Variants in AOPEP observed in about 807,000 individuals in gnomAD.
The protein encoded by AOPEP is aminopeptidase O.
A neutral mutation model predicts 98.1 loss-of-function variants in AOPEP; 77 were observed. The ratio of observed to expected loss-of-function variants is 0.78; its 90% CI spans 0.65 to 0.95. AOPEP has a LOEUF of 0.95. AOPEP is among the 40% of genes least tolerant of loss of function. The pLI is 0.00. For missense variants in AOPEP, 1,024 were observed against 1,024.7 expected (o/e 1.00, Z 0.01); for synonymous variants, 346 against 365.3 (o/e 0.95, Z 0.60).
chr9:95,087,556 C>T (rs984079300), downstream of AOPEP, among the ~76,000 whole-genome samples: 3 of 143,870 alleles, frequency 2.1e-5, no homozygotes, highest in Non-Finnish European at 4.6e-5. Flanking sequence ...GTTCCCCCCC[C>T]ACCTCACTAG....
At chr9:95,045,056 C>T (rs1444207497) in intron 13 of AOPEP, among the ~76,000 whole-genome samples, 1 of 152,160 alleles carries the variant, frequency 6.6e-6, no homozygotes, top group Non-Finnish European at 1.5e-5. Flanking sequence ...GCGCCAAGGA[C>T]GGTGCTGTTT....
chr9:94,953,997 C>T (rs1040039132), intron 7 of AOPEP, among the ~76,000 whole-genome samples: 3 of 152,108 alleles, frequency 2.0e-5, no homozygotes, highest in African/African-American at 7.2e-5. Flanking sequence ...TAAGGAGTCG[C>T]TGGTTTCAGT....
intron 3 of AOPEP, among the ~76,000 whole-genome samples, chr9:94,775,715 C>G (rs1841936579): frequency 6.6e-6 from 1 of 152,076 alleles, no homozygotes. Flanking sequence ...TGGCTCACGC[C>G]TGTAATCCCA....
chr9:95,003,642 A>C (rs2061710273), intron 11 of AOPEP, among the ~76,000 whole-genome samples: 1 of 152,214 alleles, frequency 6.6e-6, no homozygotes, highest in African/African-American at 2.4e-5. Context: ...CAAACCATTA[A>C]CTATTTATAT....
chr9:95,060,615 G>A, intron 13 of AOPEP, 79 bp from the exon 14 acceptor site: 1 of 925,482 alleles, frequency 1.1e-6, no homozygotes. Flanking sequence ...CTGGGTATGT[G>A]GTCTTCAGTC....
At chr9:95,092,083 C>T (rs530665360), downstream of AOPEP, among the ~76,000 whole-genome samples, 163 of 129,374 alleles carry the variant, frequency 1.3e-3, 2 homozygotes, top group East Asian at 0.024. Flanking sequence ...TGTGTGTGTG[C>T]ACACACACAC....
chr9:94,854,762 A>G (rs768411468), intron 5 of AOPEP, among the ~76,000 whole-genome samples: 1 of 152,238 alleles, frequency 6.6e-6, no homozygotes, highest in Non-Finnish European at 1.5e-5. Flanking sequence ...ATGCCCATCA[A>G]TTTATGTTTA....
At chr9:94,901,769 G>A (rs1261623341) in intron 5 of AOPEP, among the ~76,000 whole-genome samples, 1 of 151,922 alleles carries the variant, frequency 6.6e-6, no homozygotes, top group East Asian at 1.9e-4. Flanking sequence ...GCAAAACCCC[G>A]TCCTTACTAA....
intron 16 of AOPEP, chr9:95,085,940 C>T (rs1243431263): frequency 8.4e-6 from 11 of 1,313,040 alleles, no homozygotes; most frequent in Non-Finnish European, 1.1e-5. Flanking sequence ...TCCAGGCCTT[C>T]GCGTCTCCTG....
At chr9:94,938,877 A>C (rs780523560) in intron 7 of AOPEP, among the ~76,000 whole-genome samples, 37 of 152,224 alleles carry the variant, frequency 2.4e-4, no homozygotes, top group Non-Finnish European at 4.8e-4. Context: ...TGAGGAACAG[A>C]GGCATAAGTT....
chr9:94,786,470 T>C (rs1286552793), intron 3 of AOPEP, among the ~76,000 whole-genome samples: 1 of 152,168 alleles, frequency 6.6e-6, no homozygotes, highest in African/African-American at 2.4e-5. Context: ...ATCCTGAAAT[T>C]ATTTATCTTT....
chr9:94,874,562 T>G (rs2046706323), intron 5 of AOPEP, among the ~76,000 whole-genome samples: 1 of 152,234 alleles, frequency 6.6e-6, no homozygotes, highest in Non-Finnish European at 1.5e-5. Flanking sequence ...TCCTAAGGTA[T>G]GCGGATGCTT....
intron 1 of AOPEP, among the ~76,000 whole-genome samples, chr9:94,755,442 C>A (rs1335964523): frequency 1.3e-5 from 2 of 152,146 alleles, no homozygotes; most frequent in Non-Finnish European, 2.9e-5. Context: ...TGATTTAGGT[C>A]ATCCATGAAT....
the AOPEP span, chr9:95,123,499 T>G: frequency 2.1e-6 from 1 of 471,590 alleles, no homozygotes; most frequent in Non-Finnish European, 4.2e-6. Context: ...AATTAGTGCT[T>G]CCTCCAGTCC....
At chr9:94,913,409 T>C (rs923536976) in intron 5 of AOPEP, among the ~76,000 whole-genome samples, 2 of 152,166 alleles carry the variant, frequency 1.3e-5, no homozygotes, top group African/African-American at 4.8e-5. Flanking sequence ...TCACATATTT[T>C]CCAGGACCAC....
chr9:94,769,560 A>G (rs1407628400), intron 2 of AOPEP, among the ~76,000 whole-genome samples: 3 of 152,236 alleles, frequency 2.0e-5, no homozygotes, highest in African/African-American at 7.2e-5. Flanking sequence ...TGAGTCTCCT[A>G]TCAGACATGG....
chr9:94,908,058 T>C (rs1245420979), intron 5 of AOPEP, among the ~76,000 whole-genome samples: 1 of 152,158 alleles, frequency 6.6e-6, no homozygotes, highest in Non-Finnish European at 1.5e-5. Context: ...CGTTTTTTAA[T>C]GGAAAGTCAG....
intron 5 of AOPEP, among the ~76,000 whole-genome samples, chr9:94,813,878 A>G (rs1020458511): frequency 1.3e-5 from 2 of 152,198 alleles, no homozygotes; most frequent in Non-Finnish European, 2.9e-5. Context: ...AGGGACCTCC[A>G]CCCTGGCTGT....
At chr9:95,072,719 A>G (rs1204876408) in intron 14 of AOPEP, among the ~76,000 whole-genome samples, 3 of 152,256 alleles carry the variant, frequency 2.0e-5, no homozygotes, top group African/African-American at 7.2e-5. Flanking sequence ...AAAAAAAGCA[A>G]TCAAATAAGG....
Sources: allele counts gnomAD v4.1 joint callset (sites outside exome capture counted in the v4.1 genomes callset), GRCh38; gene constraint gnomAD v4.1.1; transcripts MANE v1.5; gene names NCBI Gene and HGNC (gene_info 2026-07-23, HGNC 2026-07-21).